SLC35F1: variants seen among roughly 807,000 people sequenced by gnomAD.
The protein encoded by SLC35F1 is solute carrier family 35 member F1, also known as chromosome 6 open reading frame 169.
In SLC35F1, 14 loss-of-function variants were observed where a neutral mutation model predicts 48.7. That is an observed-to-expected ratio of 0.29 (90% CI 0.19 to 0.45). The LOEUF is 0.45. SLC35F1 is among the 20% of genes least tolerant of loss of function. SLC35F1 has a pLI of 1.00. For missense variants in SLC35F1, 404 were observed against 500.0 expected (o/e 0.81, Z 1.83); for synonymous variants, 190 against 202.2 (o/e 0.94, Z 0.51).
chr6:118,195,871 T>C (rs1582723643), intron 2 of SLC35F1, among the ~76,000 whole-genome samples: 1 of 152,346 alleles, frequency 6.6e-6, no homozygotes, highest in East Asian at 1.9e-4. Flanking sequence ...AGGTGGGTCC[T>C]GCGGGTACCT....
At chr6:118,081,450 G>A (rs1772906588) in intron 1 of SLC35F1, among the ~76,000 whole-genome samples, 1 of 151,808 alleles carries the variant, frequency 6.6e-6, no homozygotes, top group Admixed American at 6.6e-5. Context: ...GGGCAACATG[G>A]TGAGACTCCA....
intron 1 of SLC35F1, among the ~76,000 whole-genome samples, chr6:118,077,987 A>G (rs781729668): frequency 6.6e-6 from 1 of 152,168 alleles, no homozygotes; most frequent in Non-Finnish European, 1.5e-5. Context: ...ACCTTTTGGG[A>G]TTAAAAGACT....
At chr6:118,134,469 C>G (rs921327773) in intron 1 of SLC35F1, among the ~76,000 whole-genome samples, 2 of 152,198 alleles carry the variant, frequency 1.3e-5, no homozygotes, top group Non-Finnish European at 2.9e-5. Flanking sequence ...TGCTAGTCCA[C>G]AAATGAGCTG....
At chr6:118,073,145 G>C (rs1186951915) in intron 1 of SLC35F1, among the ~76,000 whole-genome samples, 4 of 152,144 alleles carry the variant, frequency 2.6e-5, no homozygotes, top group Admixed American at 6.5e-5. Context: ...TAGAAGGAGG[G>C]AGATGCAAAA....
At position 118,154,425 on chromosome 6, in the gene SLC35F1, T is replaced by A; in HGVS notation, c.174-20T>A. The A allele has an allele frequency of 6.3e-7, 1 of 1,589,746 alleles. No individual in the cohort carries two copies. Among genetic ancestry groups the A allele is most frequent in the Non-Finnish European group, 8.6e-7 (1 of 1,167,664 alleles). On this transcript the variant is annotated intron_variant, in intron 1 of 7. Coordinates refer to ENST00000360388, the MANE Select transcript of SLC35F1 (RefSeq NM_001029858.4). The stretch of plus-strand genomic sequence containing the variant: ...GCTTCCTGCTGACCTTTGCTGTGTT[T>A]TTTTTCCTTTATTTCTCAGGGAGAT...
chr6:118,279,814 C>T (rs1246694456), intron 6 of SLC35F1, among the ~76,000 whole-genome samples: 1 of 152,156 alleles, frequency 6.6e-6, no homozygotes, highest in Non-Finnish European at 1.5e-5. Flanking sequence ...ATCCAATAAG[C>T]CTTCATTTCT....
At chr6:118,258,906 G>T (rs73512511) in intron 3 of SLC35F1, among the ~76,000 whole-genome samples, 6,483 of 151,708 alleles carry the variant, frequency 0.043, 418 homozygotes, top group African/African-American at 0.14. Context: ...TGTTAAAAAA[G>T]GAATCATAAA....
intron 3 of SLC35F1, among the ~76,000 whole-genome samples, chr6:118,256,745 G>A (rs926731573): frequency 3.9e-5 from 6 of 152,076 alleles, no homozygotes; most frequent in Admixed American, 3.3e-4. Context: ...AAGTACAGAT[G>A]CTCCTGGACT....
At chr6:117,976,526 T>TAGC (rs67624012) in intron 1 of SLC35F1, among the ~76,000 whole-genome samples, 1 of 152,116 alleles carries the variant, frequency 6.6e-6, no homozygotes, top group Non-Finnish European at 1.5e-5. Context: ...ATTTAGATGA[T>TAGC]AAATAAAGAG....
At chr6:118,250,974 C>CA (rs111622584) in intron 3 of SLC35F1, among the ~76,000 whole-genome samples, 2,253 of 150,730 alleles carry the variant, frequency 0.015, 68 homozygotes, top group African/African-American at 0.05. Flanking sequence ...CAAACAAAAA[C>CA]AAAAAAAAGA....
chr6:118,073,586 G>A (rs114802569), intron 1 of SLC35F1, among the ~76,000 whole-genome samples: 4 of 152,086 alleles, frequency 2.6e-5, no homozygotes, highest in Admixed American at 6.6e-5. Flanking sequence ...ATATACTTAG[G>A]TATACCATGA....
At chr6:118,073,812 A>G (rs893967928) in intron 1 of SLC35F1, among the ~76,000 whole-genome samples, 4 of 152,202 alleles carry the variant, frequency 2.6e-5, no homozygotes, top group Non-Finnish European at 5.9e-5. Flanking sequence ...CCACCTACTG[A>G]TTTATCTAGC....
chr6:117,940,047 C>A (rs1776209077), intron 1 of SLC35F1, among the ~76,000 whole-genome samples: 1 of 152,148 alleles, frequency 6.6e-6, no homozygotes, highest in South Asian at 2.1e-4. Context: ...ATTAGAGAGA[C>A]CCTGCTGTCA....
At chr6:118,131,779 AATTAT>A in intron 1 of SLC35F1, among the ~76,000 whole-genome samples, 1 of 150,140 alleles carries the variant, frequency 6.7e-6, no homozygotes, top group Middle Eastern at 3.5e-3. Flanking sequence ...CCATTATACT[AATTAT>A]ATTATATTAT....
chr6:118,143,359 A>G (rs1029898655), intron 1 of SLC35F1, among the ~76,000 whole-genome samples: 2 of 152,220 alleles, frequency 1.3e-5, no homozygotes, highest in African/African-American at 2.4e-5. Context: ...AAAAAACAGC[A>G]AAAGTAATCC....
At chr6:118,143,523 T>C (rs1171016647) in intron 1 of SLC35F1, among the ~76,000 whole-genome samples, 1 of 152,208 alleles carries the variant, frequency 6.6e-6, no homozygotes, top group East Asian at 1.9e-4. Context: ...TTTGTTTTCC[T>C]TCCTCAGTTT....
At chr6:118,038,954 A>G (rs1772171796) in intron 1 of SLC35F1, among the ~76,000 whole-genome samples, 1 of 151,998 alleles carries the variant, frequency 6.6e-6, no homozygotes, top group Non-Finnish European at 1.5e-5. Context: ...TTTTTGTATT[A>G]TTCATTGCTA....
intron 1 of SLC35F1, among the ~76,000 whole-genome samples, chr6:118,095,770 G>A (rs1315403531): frequency 6.6e-6 from 1 of 152,160 alleles, no homozygotes; most frequent in Non-Finnish European, 1.5e-5. Context: ...AGCTGAAATA[G>A]TGTGCAAATG....
chr6:118,015,129 G>A lies in SLC35F1; in HGVS notation c.173+107230G>A, dbSNP rs530811330. On this transcript the variant is annotated intron_variant, in intron 1 of 7. Coordinates refer to ENST00000360388, the MANE Select transcript of SLC35F1 (RefSeq NM_001029858.4). The stretch of plus-strand genomic sequence containing the variant: ...TGTTGCCACGTAAGACATGCTTTTC[G>A]CCTTCTGCCAGATTGTGAGGCCTCC... 6.6e-5 allele frequency among the ~76,000 whole-genome samples: 10 copies of A among 152,016 alleles called. No homozygotes were observed. The South Asian group carries it at 8.3e-4, about 13-fold the overall frequency.
Sources: allele counts gnomAD v4.1 joint callset (sites outside exome capture counted in the v4.1 genomes callset), GRCh38; gene constraint gnomAD v4.1.1; transcripts MANE v1.5; gene names NCBI Gene and HGNC (gene_info 2026-07-23, HGNC 2026-07-21).